Variants in TRIM66 observed in about 807,000 individuals in gnomAD.
TRIM66 encodes tripartite motif-containing protein 66.
Under a neutral mutation model 148.2 loss-of-function variants are expected in TRIM66, and 99 were observed. The ratio of observed to expected loss-of-function variants is 0.67; its 90% confidence interval spans 0.57 to 0.79. TRIM66 has a LOEUF of 0.79. Ranked by LOEUF, TRIM66 falls within the 30% of genes least tolerant of loss-of-function variation. The probability of loss-of-function intolerance (pLI) is 0.00; values close to 1 mark genes in which losing one functional copy is unlikely to be tolerated. For synonymous variants in TRIM66, 616 were observed against 635.9 expected (o/e 0.97, Z 0.47); for missense variants, 1,666 against 1,697.9 (o/e 0.98, Z 0.33).
upstream of TRIM66, chr11:8,683,062 G>A (rs2039519077): frequency 1.0e-6 from 1 of 961,542 alleles, no homozygotes. Flanking sequence ...ACGGCCCTGA[G>A]CGGATCGGTA....
chr11:8,649,653 C>A, intron 8 of TRIM66, 87 bp downstream of exon 8: 1 of 1,477,264 alleles, frequency 6.8e-7, no homozygotes, highest in Non-Finnish European at 9.1e-7. Flanking sequence ...AGCAAGAAAA[C>A]AAGATCGGAG....
chr11:8,651,385 GC>G (rs1177206177), intron 7 of TRIM66, among the ~76,000 whole-genome samples: 1 of 151,958 alleles, frequency 6.6e-6, no homozygotes, highest in African/African-American at 2.4e-5. Flanking sequence ...TTAAATACAG[GC>G]AAGGTTAATA....
chr11:8,622,365 C>CATATATATATATATAT (rs1217954064), intron 18 of TRIM66, among the ~76,000 whole-genome samples: 5 of 59,578 alleles, frequency 8.4e-5, no homozygotes, highest in Admixed American at 3.1e-4. Context: ...CACACACACA[C>CATATATATATATATAT]ATATATATAT....
chr11:8,650,772 G>A (rs1187134443), intron 7 of TRIM66, among the ~76,000 whole-genome samples: 3 of 152,220 alleles, frequency 2.0e-5, no homozygotes, highest in Non-Finnish European at 4.4e-5. Context: ...GATACTGAAT[G>A]ACAAGTAGGT....
chr11:8,682,716 G>C (rs2039503466), upstream of TRIM66: 1 of 1,479,390 alleles, frequency 6.8e-7, no homozygotes. Context: ...CCCGAAGCCC[G>C]GCCTCTGTGA....
At chr11:8,638,586 T>C (rs2036095690) in intron 15 of TRIM66, 68 bp downstream of exon 15, 2 of 1,509,004 alleles carry the variant, frequency 1.3e-6, no homozygotes, top group East Asian at 5.0e-5. Context: ...ATCCTCCTCC[T>C]CCAAGTGCCT....
At chr11:8,671,736 A>C in intron 6 of TRIM66, 50 bp downstream of exon 6, 3 of 821,334 alleles carry the variant, frequency 3.7e-6, no homozygotes, top group Non-Finnish European at 6.0e-6. Context: ...TGAAACAGGA[A>C]GAGACCTGTT....
chr11:8,650,359 G>T (rs2037249363), intron 7 of TRIM66, among the ~76,000 whole-genome samples: 1 of 151,996 alleles, frequency 6.6e-6, no homozygotes, highest in Non-Finnish European at 1.5e-5. Context: ...GGCAACAGAG[G>T]AAGACCCTGT....
chr11:8,669,317 C>T (rs148540079), intron 6 of TRIM66, among the ~76,000 whole-genome samples: 307 of 152,252 alleles, frequency 2.0e-3, no homozygotes, highest in Admixed American at 4.4e-3. Flanking sequence ...ATGGTAATAC[C>T]TTGCATCCTC....
Position 8,621,022 on chromosome 11 carries a change from C to G in TRIM66, c.3545+10G>C. 6.5e-7 allele frequency: 1 copy of G among 1,549,996 alleles called. No homozygotes were observed. Among genetic ancestry groups the G allele is most frequent in the South Asian group, 1.2e-5 (1 of 83,696 alleles). On this transcript the variant is annotated intron_variant, in intron 20 of 24. Coordinates refer to ENST00000646038, the MANE Select transcript of TRIM66 (RefSeq NM_001388022.1). ...TAGCCAGGTGATGGTCCTGGACTGG[C>G]ATGACTCACCCTGGGAAGCTGAGCA...
chr11:8,668,051 T>C (rs890208101), intron 6 of TRIM66, among the ~76,000 whole-genome samples: 2 of 152,252 alleles, frequency 1.3e-5, no homozygotes, highest in South Asian at 2.1e-4. Flanking sequence ...TTCCAATTTC[T>C]CTACATTCTT....
At chr11:8,658,057 G>A (rs544694109) in intron 6 of TRIM66, among the ~76,000 whole-genome samples, 16 of 152,356 alleles carry the variant, frequency 1.1e-4, no homozygotes, top group East Asian at 1.9e-4. Context: ...CCTAAGCCTC[G>A]GGGAATGGAT....
In TRIM66 at chr11:8,640,042, T is replaced by G. The variant is rs559418066; in HGVS notation, c.2148+185A>C. Among the ~76,000 whole-genome samples the G allele has an allele frequency of 2.6e-4, 39 of 152,276 alleles. 1 individual carries two copies. The Middle Eastern group carries it at 0.01, about 40-fold the overall frequency. ...TCTAATTTGGGACTGGGTACTATGC[T>G]CTCTGGAGCTTTTCTGAGGTGGGAG... On this transcript the variant is annotated intron_variant, in intron 14 of 24. Coordinates refer to ENST00000646038, the MANE Select transcript of TRIM66 (RefSeq NM_001388022.1).
intron 6 of TRIM66, chr11:8,658,687 T>C: frequency 1.2e-6 from 1 of 815,832 alleles, no homozygotes; most frequent in Non-Finnish European, 1.5e-6. Context: ...TGACACACTC[T>C]GTCAGCCCCA....
At chr11:8,681,762 AG>A (rs1257912179) in intron 1 of TRIM66, among the ~76,000 whole-genome samples, 1 of 152,176 alleles carries the variant, frequency 6.6e-6, no homozygotes, top group Non-Finnish European at 1.5e-5. Flanking sequence ...AATTAGGTCT[AG>A]TAGGGAAGAC....
Position 8,625,190 on chromosome 11 carries a change from A to G in TRIM66, c.2349T>C (p.Thr783=), listed in dbSNP as rs2034699923. The change falls in exon 16 of 25, where the codon ACT becomes ACC. Residue 783 remains threonine, a synonymous_variant. Coordinates refer to ENST00000646038, the MANE Select transcript of TRIM66 (RefSeq NM_001388022.1). The part of the protein sequence containing the change: ...TSLSIMGFSN[T]LEMELSSTRL... ...TGGTAGATGACAACTCCATCTCCAGAGTGTTGGAAAAGCCCATGATGCTCA... is the reference window on the plus strand; with the variant it reads ...TGGTAGATGACAACTCCATCTCCAGGGTGTTGGAAAAGCCCATGATGCTCA... 3 of 1,525,024 alleles carry G rather than the reference A, an allele frequency of 2.0e-6. No individual in the cohort carries two copies. Among genetic ancestry groups the G allele is most frequent in the East Asian group, 4.9e-5 (2 of 40,592 alleles). The allele number at this position is 1,525,024 out of a possible 1,614,324, so 94.5% of individuals were successfully genotyped here.
chr11:8,660,882 A>C (rs1273653156), intron 6 of TRIM66, among the ~76,000 whole-genome samples: 1 of 152,242 alleles, frequency 6.6e-6, no homozygotes. Flanking sequence ...TGAAAGTGTG[A>C]GGTCTCTTTG....
chr11:8,612,926 T>C lies in TRIM66; in HGVS notation c.*5018A>G, dbSNP rs2033486017. The C allele has an allele frequency of 6.6e-6, 1 of 152,296 alleles. No homozygotes were observed. The highest frequency in any genetic ancestry group is 1.5e-5 in the Non-Finnish European group (1 of 68,116). The allele number at this position is 152,296 out of a possible 1,614,324, so 9.4% of individuals were successfully genotyped here. ...CAGTTTAGCCAGACTGCGGCCTGGA[T>C]GCTGTAAAACCTAATCCACACCCTT... On this transcript the variant is annotated 3_prime_UTR_variant, in exon 25 of 25. Transcript: ENST00000646038.
At chr11:8,680,804 C>G (rs2039377821) in intron 1 of TRIM66, 1 of 152,200 alleles carries the variant, frequency 6.6e-6, no homozygotes, top group African/African-American at 2.4e-5. Flanking sequence ...TGAGGAACAT[C>G]AACATTCAAA....
Sources: gnomAD v4.1 joint callset for allele counts (sites outside exome capture counted in the v4.1 genomes callset) on GRCh38, gnomAD v4.1.1 for gene constraint, MANE v1.5 for transcripts, NCBI Gene and HGNC (gene_info 2026-07-23, HGNC 2026-07-21) for gene names.